Variants in SHROOM2 observed in about 807,000 individuals in gnomAD.
SHROOM2 encodes the protein shroom family member 2, also known as protein Shroom2.
Under a neutral mutation model 75.9 loss-of-function variants are expected in SHROOM2, and 33 were observed. The observed-to-expected ratio is 0.43, with a 90% CI of 0.33 to 0.58. The LOEUF (loss-of-function observed/expected upper bound fraction) is 0.58. Among genes scored for constraint, SHROOM2 ranks in the 20% least tolerant of loss-of-function variants. SHROOM2 has a pLI of 0.04. For synonymous variants in SHROOM2, 655 were observed against 663.6 expected (o/e 0.99, Z 0.20); for missense variants, 1,434 against 1,461.2 (o/e 0.98, Z 0.30).
chrX:9,819,057 TCA>T, intron 1 of SHROOM2: 1 of 1,156,116 alleles, frequency 8.6e-7, no homozygotes, highest in African/African-American at 1.8e-5. Flanking sequence ...TGTACCACTG[TCA>T]CTATTCTCAG....
chrX:9,943,843 G>A (rs1346777267), intron 8 of SHROOM2, among the ~76,000 whole-genome samples: 2 of 111,862 alleles, frequency 1.8e-5, no homozygotes, highest in Non-Finnish European at 3.8e-5. Flanking sequence ...GCTAGTATTA[G>A]CAATTAAAAT....
chrX:9,873,587 G>T, intron 1 of SHROOM2, 65 bp from the exon 2 acceptor site: 1 of 1,167,844 alleles, frequency 8.6e-7, no homozygotes, highest in Non-Finnish European at 1.2e-6. Context: ...TGCGTTCCGA[G>T]GACCTGCTCT....
chrX:9,854,044 G>A (rs934787914), intron 1 of SHROOM2, among the ~76,000 whole-genome samples: 1 of 112,463 alleles, frequency 8.9e-6, no homozygotes, highest in Non-Finnish European at 1.9e-5. Context: ...CCAGGTACAC[G>A]TAGGGATGTG....
chrX:9,898,447 G>A (rs1321599123), intron 5 of SHROOM2, among the ~76,000 whole-genome samples, 157 bp downstream of exon 5: 2 of 112,639 alleles, frequency 1.8e-5, no homozygotes, highest in Non-Finnish European at 3.8e-5. Context: ...TGACGTACTG[G>A]AGGTCTGGGC....
chrX:9,832,327 C>T lies in SHROOM2; in HGVS notation c.166-41325C>T, dbSNP rs1028053441. Among the ~76,000 whole-genome samples the T allele has an allele frequency of 1.5e-4, 17 of 111,264 alleles. 1 individual carries two copies. The highest frequency in any genetic ancestry group is 7.7e-4 in the Admixed American group (8 of 10,456). On this transcript the variant is annotated intron_variant, in intron 1 of 9. Transcript: ENST00000380913. ...CCCACCCTGTGTCTCTCTAGCCCGC[C>T]GAGCCCCTCCCTCTGCAGCACACCC...
chrX:9,819,303 A>AGT, intron 1 of SHROOM2: 4 of 560,783 alleles, frequency 7.1e-6, no homozygotes, highest in Non-Finnish European at 1.2e-5. Flanking sequence ...TATCCCACCA[A>AGT]AATACTTGGT....
Position 9,947,026 on chromosome X carries a change from A to T in SHROOM2, c.*89A>T. The T allele has an allele frequency of 2.1e-6, 2 of 934,129 alleles. No individual in the cohort carries two copies. Among genetic ancestry groups the T allele is most frequent in the Middle Eastern group, 4.0e-4 (1 of 2,471 alleles). 77.0% of individuals were successfully genotyped at this position (934,129 alleles called of 1,213,427 possible). On this transcript the variant is annotated 3_prime_UTR_variant, in exon 10 of 10. Transcript: ENST00000380913. Reference sequence around the variant, plus strand: ...ACTCGTGAAGACCCCATCTGTGTTCATGGCCTGGAAAGAGACTTCTCCCAT... The same window carrying T: ...ACTCGTGAAGACCCCATCTGTGTTCTTGGCCTGGAAAGAGACTTCTCCCAT...
chrX:9,872,191 C>T (rs1317124684), intron 1 of SHROOM2, among the ~76,000 whole-genome samples: 1 of 112,321 alleles, frequency 8.9e-6, no homozygotes, highest in African/African-American at 3.2e-5. Context: ...CCACAGTGTG[C>T]CAGAAAATGG....
At chrX:9,908,065 T>C (rs2084401109) in intron 5 of SHROOM2, among the ~76,000 whole-genome samples, 1 of 112,737 alleles carries the variant, frequency 8.9e-6, no homozygotes, top group Non-Finnish European at 1.9e-5. Flanking sequence ...GGCTTCTTTG[T>C]AATAGTTCGC....
In SHROOM2 at chrX:9,894,602, G is replaced by A. The variant is rs201212186; in HGVS notation, c.694G>A (p.Ala232Thr). ...CTTGTCCAAAGCCGACACGTCCTCC[G>A]CAGAGAACATCCTCTACACTGTGGG... Reference protein sequence around the residue: ...HTLSKADTSSAENILYTVGLW... With the variant: ...HTLSKADTSSTENILYTVGLW... The change falls in exon 4 of 10, where the codon GCA (alanine) becomes ACA (threonine). Residue 232 changes from alanine to threonine, a missense_variant. By Grantham distance (58) the Ala-to-Thr change is moderately conservative. Around this residue, in one of 3 missense-constraint regions of SHROOM2, gnomAD observed 1,340 missense variants for 1,338.3 expected, o/e 1.00. Transcript: ENST00000380913. 11 of 1,211,958 alleles carry A rather than the reference G, an allele frequency of 9.1e-6. No individual in the cohort carries two copies. Among genetic ancestry groups the A allele is most frequent in the East Asian group, 3.0e-5 (1 of 33,824 alleles).
chrX:9,892,674 G>A lies in SHROOM2; in HGVS notation c.449+1566G>A, dbSNP rs1386754487. ...AATACTGGTGGGTAGTCAGGAGCAT[G>A]CCCCGGGTTTGAGGATACGTGGTCT... On this transcript the variant is annotated intron_variant, in intron 3 of 9. Coordinates refer to ENST00000380913, the MANE Select transcript of SHROOM2 (RefSeq NM_001649.4). Among the ~76,000 whole-genome samples, 7 of 111,718 alleles carry A rather than the reference G, an allele frequency of 6.3e-5. No individual in the cohort carries two copies. In the Admixed American group the frequency reaches 6.7e-4, roughly 11 times the overall value.
At chrX:9,899,300 C>T (rs774045167) in intron 5 of SHROOM2, among the ~76,000 whole-genome samples, 4 of 110,122 alleles carry the variant, frequency 3.6e-5, no homozygotes, top group Admixed American at 9.7e-5. Flanking sequence ...CTTCATCACA[C>T]GAGGAGGGCA....
chrX:9,897,569 AG>A (rs1236114181), intron 4 of SHROOM2, among the ~76,000 whole-genome samples: 2,360 of 17,432 alleles, frequency 0.14, 88 homozygotes, highest in African/African-American at 0.26. Context: ...AAAAAAAAAA[AG>A]AAAAAAAAAA....
chrX:9,796,484 C>A (rs2083695796), intron 1 of SHROOM2, among the ~76,000 whole-genome samples: 1 of 111,319 alleles, frequency 9.0e-6, no homozygotes, highest in Admixed American at 9.5e-5. Flanking sequence ...TGCCCAGCAT[C>A]AGTACATTTC....
Position 9,906,517 on chromosome X carries a change from GGGCGTGGT to G in SHROOM2, c.2891+8231_2891+8238del, listed in dbSNP as rs1186606194. Among the ~76,000 whole-genome samples, 3 of 113,093 alleles carry G rather than the reference GGGCGTGGT, an allele frequency of 2.7e-5. No individual in the cohort carries two copies. The Admixed American group carries it at 2.8e-4, about 11-fold the overall frequency. On this transcript the variant is annotated intron_variant, in intron 5 of 9. Transcript: ENST00000380913. ...TAATTTAAAATGGGTCTGTCAGGCAGGGCGTGGTGGCTCACGCCTGTAATCCCAGCACT... is the reference window on the plus strand; with the variant it reads ...TAATTTAAAATGGGTCTGTCAGGCAGGGCTCACGCCTGTAATCCCAGCACT...
intron 1 of SHROOM2, among the ~76,000 whole-genome samples, chrX:9,865,786 T>C (rs1272289853): frequency 4.5e-5 from 5 of 110,027 alleles, no homozygotes; most frequent in Middle Eastern, 4.2e-3. Context: ...GGTCTCGATC[T>C]CCTGACCTCA....
chrX:9,852,021 C>T (rs756624583), intron 1 of SHROOM2, among the ~76,000 whole-genome samples: 4 of 111,704 alleles, frequency 3.6e-5, no homozygotes, highest in Non-Finnish European at 7.5e-5. Flanking sequence ...GCCTGTCACT[C>T]CCTTGTTCTG....
chrX:9,851,389 G>A (rs899794546), intron 1 of SHROOM2, among the ~76,000 whole-genome samples: 2 of 109,159 alleles, frequency 1.8e-5, no homozygotes, highest in African/African-American at 6.7e-5. Context: ...GGTTCCCCAC[G>A]TGGCAACAGT....
Position 9,896,419 on chromosome X carries a change from G to C in SHROOM2, c.2511G>C (p.Glu837Asp), listed in dbSNP as rs1279690653. The change falls in exon 4 of 10, where the codon GAG becomes GAC. Residue 837 changes from glutamate to aspartate, a missense_variant. Transcript: ENST00000380913. Reference protein sequence around the residue: ...ERPRTAGRTCEGTEPWSRTTS... With the variant: ...ERPRTAGRTCDGTEPWSRTTS... ...CGCGGACAGCGGGCCGCACATGTGA[G>C]GGCACGGAGCCCTGGTCGCGCACCA... 2 of 1,212,320 alleles carry C rather than the reference G, an allele frequency of 1.6e-6. No homozygotes were observed. Among genetic ancestry groups the C allele is most frequent in the Non-Finnish European group, 2.2e-6 (2 of 895,663 alleles).
Sources: allele counts gnomAD v4.1 joint callset (sites outside exome capture counted in the v4.1 genomes callset), GRCh38; gene constraint gnomAD v4.1.1; regional missense constraint gnomAD v4.1.1; transcripts MANE v1.5; gene names NCBI Gene and HGNC (gene_info 2026-07-23, HGNC 2026-07-21).